FRMD6: variants seen among roughly 807,000 people sequenced by gnomAD.
FRMD6 encodes the protein FERM domain containing 6, also known as FERM domain-containing protein 6.
In FRMD6, 37 loss-of-function variants were observed where a neutral mutation model predicts 73.2. The observed-to-expected ratio is 0.51, with a 90% CI of 0.39 to 0.66. The LOEUF is 0.66. FRMD6 is among the 30% of genes least tolerant of loss of function. FRMD6 has a pLI of 0.00. For missense variants in FRMD6, 714 were observed against 780.5 expected (o/e 0.91, Z 1.02); for synonymous variants, 273 against 282.2 (o/e 0.97, Z 0.33).
chr14:51,429,914 C>T, the FRMD6 span, among the ~76,000 whole-genome samples: 2 of 152,156 alleles, frequency 1.3e-5, no homozygotes, highest in African/African-American at 4.8e-5. Flanking sequence ...ATTGCCCTGA[C>T]TCAGTCTAGA....
intron 10 of FRMD6, among the ~76,000 whole-genome samples, chr14:51,718,941 C>T (rs981728057): frequency 9.9e-5 from 15 of 152,178 alleles, no homozygotes; most frequent in African/African-American, 3.6e-4. Context: ...CAAGTATTTT[C>T]ACTTAACCAA....
Position 51,686,858 on chromosome 14 carries a change from TTAAG to T in FRMD6, c.-146-2831_-146-2828del, listed in dbSNP as rs150320062. ...TTCCCCAGGACTGCCCAATTTAAGA[TTAAG>T]TTTTATACTGGTGCATATTAGAGAT... On this transcript the variant is annotated intron_variant, in intron 1 of 13. Transcript: ENST00000344768. Among the ~76,000 whole-genome samples, 523 of 152,304 alleles carry T rather than the reference TTAAG, an allele frequency of 3.4e-3. 3 individuals are homozygous for T. Among genetic ancestry groups the T allele is most frequent in the African/African-American group, 0.012 (512 of 41,588 alleles).
chr14:51,474,519 C>G, the FRMD6 span, among the ~76,000 whole-genome samples: 1 of 152,062 alleles, frequency 6.6e-6, no homozygotes, highest in African/African-American at 2.4e-5. Flanking sequence ...GCACAGTGGT[C>G]TTGAATTTGC....
the FRMD6 span, among the ~76,000 whole-genome samples, chr14:51,431,274 G>T: frequency 6.6e-6 from 1 of 152,192 alleles, no homozygotes; most frequent in South Asian, 2.1e-4. Flanking sequence ...CAAGCTGGAA[G>T]TCCTTCTAAA....
the FRMD6 span, chr14:51,436,986 C>T: frequency 2.4e-6 from 2 of 849,186 alleles, no homozygotes; most frequent in Non-Finnish European, 3.7e-6. Flanking sequence ...GGATTCCAAC[C>T]TTCTTTTTTA....
chr14:51,587,942 CT>C lies in FRMD6; in HGVS notation c.-147+17533del, dbSNP rs1170134858. On this transcript the variant is annotated intron_variant, in intron 2 of 14. Coordinates refer to the FRMD6 transcript ENST00000356218. The stretch of plus-strand genomic sequence containing the variant: ...AGGGTTACAGCACGATGGAAATGAA[CT>C]CCCCTGACCCCTGAGAGTCAAGTGC... Among the ~76,000 whole-genome samples the C allele has an allele frequency of 2.6e-5, 4 of 151,912 alleles. No homozygotes were observed. In the East Asian group the frequency reaches 7.7e-4, roughly 29 times the overall value.
intron 2 of FRMD6, among the ~76,000 whole-genome samples, chr14:51,622,873 G>T (rs564787319): frequency 1.3e-5 from 2 of 152,006 alleles, no homozygotes; most frequent in African/African-American, 4.8e-5. Flanking sequence ...TCAAGCGATC[G>T]TCCCATCTCA....
At chr14:51,614,045 G>A (rs1890617059) in intron 2 of FRMD6, among the ~76,000 whole-genome samples, 1 of 152,100 alleles carries the variant, frequency 6.6e-6, no homozygotes, top group Non-Finnish European at 1.5e-5. Context: ...GCCACATGCA[G>A]TAGTGACCAT....
chr14:51,691,157 T>G (rs1895536184), intron 2 of FRMD6, among the ~76,000 whole-genome samples: 1 of 152,224 alleles, frequency 6.6e-6, no homozygotes, highest in South Asian at 2.1e-4. Flanking sequence ...ATTTGTCCTG[T>G]GAAATTTATT....
the FRMD6 span, among the ~76,000 whole-genome samples, chr14:51,429,004 A>AGGGTGAGAGAGAGG: frequency 8.9e-6 from 1 of 112,512 alleles, no homozygotes. Flanking sequence ...TGGGAGAGAG[A>AGGGTGAGAGAGAGG]GGGGAGAGAG....
chr14:51,523,362 C>T (rs4483774), intron 1 of FRMD6, among the ~76,000 whole-genome samples: 96,103 of 151,990 alleles, frequency 0.63, 32,557 homozygotes, highest in African/African-American at 0.87. Context: ...CTTGGTGGGG[C>T]AAGATAAGAG....
intron 3 of FRMD6, 63 bp downstream of exon 3, chr14:51,698,295 A>G (rs1335496664): frequency 2.7e-6 from 3 of 1,103,448 alleles, no homozygotes; most frequent in East Asian, 4.8e-5. Context: ...GACATCTTAT[A>G]GCTATAACTT....
chr14:51,575,812 TG>T (rs1888371047), intron 2 of FRMD6: 1 of 152,212 alleles, frequency 6.6e-6, no homozygotes, highest in Non-Finnish European at 1.5e-5. Context: ...CAAGAGCTCA[TG>T]GGCCATGAGC....
intron 1 of FRMD6, chr14:51,554,709 A>G (rs1449445111): frequency 6.6e-6 from 1 of 152,220 alleles, no homozygotes; most frequent in Non-Finnish European, 1.5e-5. Flanking sequence ...GAAAGCAAGG[A>G]AAGCCTGATA....
chr14:51,402,943 A>G, the FRMD6 span, among the ~76,000 whole-genome samples: 1 of 150,968 alleles, frequency 6.6e-6, no homozygotes, highest in East Asian at 1.9e-4. Flanking sequence ...CAGCTAGGGT[A>G]TATCTTTATC....
chr14:51,634,071 A>G (rs1201974989), intron 2 of FRMD6, among the ~76,000 whole-genome samples: 1 of 152,254 alleles, frequency 6.6e-6, no homozygotes, highest in Non-Finnish European at 1.5e-5. Context: ...CTAAGATACA[A>G]CGTCCACAAA....
the FRMD6 span, among the ~76,000 whole-genome samples, chr14:51,471,105 A>G: frequency 6.6e-6 from 1 of 152,158 alleles, no homozygotes; most frequent in Non-Finnish European, 1.5e-5. Context: ...ACCTGATATA[A>G]TTGTGGAATC....
intron 1 of FRMD6, among the ~76,000 whole-genome samples, chr14:51,553,745 G>A (rs967311523): frequency 1.3e-5 from 2 of 152,140 alleles, no homozygotes; most frequent in East Asian, 1.9e-4. Context: ...TTTTTCTAAC[G>A]CTGCTTTGGT....
chr14:51,560,976 T>C (rs1294633157), intron 1 of FRMD6, among the ~76,000 whole-genome samples: 1 of 152,254 alleles, frequency 6.6e-6, no homozygotes, highest in Non-Finnish European at 1.5e-5. Context: ...ATAAAATTAA[T>C]GTTGGATTAT....
Sources: allele counts gnomAD v4.1 joint callset (sites outside exome capture counted in the v4.1 genomes callset), GRCh38; gene constraint gnomAD v4.1.1; transcripts MANE v1.5; gene names NCBI Gene and HGNC (gene_info 2026-07-23, HGNC 2026-07-21).